The following FNDC3B variants were observed in gnomAD, a reference collection of about 807,000 sequenced individuals.
The protein encoded by FNDC3B is fibronectin type III domain-containing protein 3B.
Under a neutral mutation model 151.5 loss-of-function variants are expected in FNDC3B, and 12 were observed. The ratio of observed to expected loss-of-function variants is 0.08; its 90% CI spans 0.05 to 0.13. FNDC3B has a LOEUF of 0.13. Among genes scored for constraint, FNDC3B ranks in the 10% least tolerant of loss-of-function variants. The pLI, the probability that FNDC3B is intolerant of heterozygous loss-of-function variation, is 1.00. For synonymous variants in FNDC3B, 528 were observed against 549.0 expected, an observed-to-expected ratio of 0.96 and a Z score of 0.54; for missense variants, 1,214 against 1,505.3, an observed-to-expected ratio of 0.81 and a Z score of 3.20.
At chr3:172,378,496 A>G in intron 24 of FNDC3B, 60 bp downstream of exon 24, 1 of 1,410,332 alleles carries the variant, frequency 7.1e-7, no homozygotes, top group East Asian at 2.4e-5. Context: ...GTTGGGACTT[A>G]TAGAAAGAAG....
intron 3 of FNDC3B, chr3:172,187,050 GT>G: frequency 3.3e-6 from 1 of 307,062 alleles, no homozygotes; most frequent in Non-Finnish European, 6.0e-6. Flanking sequence ...GTCCTTCCAG[GT>G]TTTTGGAAGC....
chr3:172,366,589 T>G (rs1368247215), intron 23 of FNDC3B, among the ~76,000 whole-genome samples: 2 of 152,318 alleles, frequency 1.3e-5, no homozygotes, highest in East Asian at 3.9e-4. Context: ...CAAAGATGAC[T>G]AAGATCCCTG....
chr3:172,174,284 AAAT>A (rs1723437197), intron 3 of FNDC3B, among the ~76,000 whole-genome samples: 1 of 152,214 alleles, frequency 6.6e-6, no homozygotes, highest in African/African-American at 2.4e-5. Context: ...CTTATTCCAG[AAAT>A]AATTTGGTTT....
intron 9 of FNDC3B, among the ~76,000 whole-genome samples, chr3:172,300,678 T>A (rs1018880160): frequency 3.3e-5 from 5 of 152,190 alleles, no homozygotes; most frequent in Non-Finnish European, 4.4e-5. Flanking sequence ...TCCTTGCATT[T>A]GGTATTTGAC....
intron 11 of FNDC3B, among the ~76,000 whole-genome samples, chr3:172,326,681 C>T (rs1484725988): frequency 6.6e-6 from 1 of 152,172 alleles, no homozygotes; most frequent in Non-Finnish European, 1.5e-5. Flanking sequence ...CTTTAGTGAG[C>T]GTGAGTGCTC....
intron 1 of FNDC3B, among the ~76,000 whole-genome samples, chr3:172,075,352 C>A (rs1717955439): frequency 6.6e-6 from 1 of 152,118 alleles, no homozygotes; most frequent in Admixed American, 6.5e-5. Flanking sequence ...GGTTCTGCCT[C>A]TGCCCGCCAG....
In FNDC3B at chr3:172,228,396, C is replaced by T. The variant is rs565986490; in HGVS notation, c.264+1449C>T. ...CCATTGTGACGCAAAAATAACACCT[C>T]CTTTTATGCTAAAGGTCCATTTAAG... On this transcript the variant is annotated intron_variant, in intron 4 of 25. Coordinates refer to ENST00000415807, the MANE Select transcript of FNDC3B (RefSeq NM_022763.4). Among the ~76,000 whole-genome samples the T allele has an allele frequency of 2.0e-5, 3 of 152,288 alleles. No homozygotes were observed. In the South Asian group the frequency reaches 6.2e-4, roughly 32 times the overall value.
chr3:172,234,438 G>A (rs1213826444), intron 4 of FNDC3B, among the ~76,000 whole-genome samples: 1 of 152,154 alleles, frequency 6.6e-6, no homozygotes, highest in Non-Finnish European at 1.5e-5. Flanking sequence ...TCTCATGGAG[G>A]GAAGCGGAGA....
At position 172,186,767 on chromosome 3, in the gene FNDC3B, C is replaced by T. The variant is rs374840749; in HGVS notation, c.188-40104C>T. ...GATTTTTTCATCTCAGCTTTTTCCC[C>T]CTTACCTTGTTCTCTCTCATGTTTC... is the stretch of plus-strand genomic sequence containing the variant. On this transcript the variant is annotated intron_variant, in intron 3 of 25. Transcript: ENST00000415807. The T allele has an allele frequency of 3.4e-5, 24 of 701,880 alleles. 1 individual carries two copies. Among genetic ancestry groups the T allele is most frequent in the African/African-American group, 2.6e-4 (15 of 57,244 alleles). 43.5% of individuals were successfully genotyped at this position (701,880 alleles called of 1,614,324 possible).
At chr3:172,222,157 G>A (rs1305597427) in intron 3 of FNDC3B, among the ~76,000 whole-genome samples, 2 of 152,102 alleles carry the variant, frequency 1.3e-5, no homozygotes, top group South Asian at 2.1e-4. Flanking sequence ...AATGGCTATT[G>A]TTGAAAAATA....
chr3:172,306,659 A>G (rs1731215224), intron 9 of FNDC3B, among the ~76,000 whole-genome samples: 2 of 152,198 alleles, frequency 1.3e-5, no homozygotes, highest in South Asian at 2.1e-4. Context: ...AGTATGTTCT[A>G]TGCTTTTTCT....
chr3:172,223,942 T>C (rs1171279682), intron 3 of FNDC3B, among the ~76,000 whole-genome samples: 3 of 152,272 alleles, frequency 2.0e-5, no homozygotes, highest in Non-Finnish European at 4.4e-5. Context: ...AACCTGACCA[T>C]ATGAAGTAAG....
intron 23 of FNDC3B, among the ~76,000 whole-genome samples, chr3:172,377,253 CCTGT>C (rs1316260252): frequency 6.6e-6 from 1 of 152,162 alleles, no homozygotes; most frequent in African/African-American, 2.4e-5. Context: ...AATCCATTGG[CCTGT>C]CTGTCTAGGA....
At chr3:172,161,317 G>C (rs1394440594) in intron 3 of FNDC3B, among the ~76,000 whole-genome samples, 1 of 152,194 alleles carries the variant, frequency 6.6e-6, no homozygotes, top group Non-Finnish European at 1.5e-5. Context: ...GAAGCCTTCT[G>C]GTTAATGAAT....
chr3:172,129,930 A>G (rs1720986008), intron 2 of FNDC3B, among the ~76,000 whole-genome samples: 1 of 150,786 alleles, frequency 6.6e-6, no homozygotes, highest in African/African-American at 2.4e-5. Flanking sequence ...GATGTTCTGT[A>G]TCGCATTTTA....
intron 6 of FNDC3B, among the ~76,000 whole-genome samples, chr3:172,265,569 A>C (rs1728886270): frequency 6.6e-6 from 1 of 152,238 alleles, no homozygotes; most frequent in Non-Finnish European, 1.5e-5. Flanking sequence ...TGAGACTTCA[A>C]CATTGAAAAT....
chr3:172,345,597 C>T (rs908578435), intron 19 of FNDC3B, among the ~76,000 whole-genome samples: 11 of 152,108 alleles, frequency 7.2e-5, no homozygotes, highest in African/African-American at 2.4e-5. Flanking sequence ...CCCTCCCCGC[C>T]GTCTTTTTTC....
chr3:172,081,241 CTTACT>C (rs1418916645), intron 1 of FNDC3B, among the ~76,000 whole-genome samples: 1 of 152,174 alleles, frequency 6.6e-6, no homozygotes, highest in Non-Finnish European at 1.5e-5. Flanking sequence ...TTGCTTCTGT[CTTACT>C]TTACTTCTGT....
chr3:172,043,464 A>G (rs1458297292), intron 1 of FNDC3B, among the ~76,000 whole-genome samples: 1 of 152,010 alleles, frequency 6.6e-6, no homozygotes, highest in Non-Finnish European at 1.5e-5. Flanking sequence ...CTCTCCCCTT[A>G]GCCTCTCCAG....
Sources: gnomAD v4.1 joint callset for allele counts (sites outside exome capture counted in the v4.1 genomes callset) on GRCh38, gnomAD v4.1.1 for gene constraint, MANE v1.5 for transcripts, NCBI Gene and HGNC (gene_info 2026-07-23, HGNC 2026-07-21) for gene names.